The following ADAM10 variants were observed in gnomAD, a reference collection of about 807,000 sequenced individuals.
ADAM10 encodes ADAM metallopeptidase domain 10, also known as disintegrin and metalloproteinase domain-containing protein 10.
A neutral mutation model predicts 90.1 loss-of-function variants in ADAM10; 17 were observed. The ratio of observed to expected loss-of-function variants is 0.19; its 90% confidence interval spans 0.13 to 0.28. The LOEUF is 0.28. Among genes scored for constraint, ADAM10 ranks in the 10% least tolerant of loss-of-function variants. ADAM10 has a pLI of 1.00. For missense variants in ADAM10, 610 were observed against 914.3 expected, an observed-to-expected ratio of 0.67 and a Z score of 4.29; for synonymous variants, 310 against 298.6, an observed-to-expected ratio of 1.04 and a Z score of -0.40.
intron 11 of ADAM10, among the ~76,000 whole-genome samples, chr15:58,621,187 C>T (rs1246395326): frequency 2.2e-5 from 3 of 138,282 alleles, no homozygotes; most frequent in African/African-American, 5.4e-5. Flanking sequence ...CAATTGAGCC[C>T]GGGAGGTGGA....
chr15:58,689,106 G>A (rs1314523909), intron 2 of ADAM10, among the ~76,000 whole-genome samples: 1 of 152,132 alleles, frequency 6.6e-6, no homozygotes, highest in Non-Finnish European at 1.5e-5. Flanking sequence ...CACAGTCACT[G>A]CTGAAAATCA....
chr15:58,650,586 A>C (rs1264531643), intron 5 of ADAM10, among the ~76,000 whole-genome samples: 3 of 152,158 alleles, frequency 2.0e-5, no homozygotes, highest in African/African-American at 7.2e-5. Context: ...TCAGTCTCTC[A>C]GCCACCTCCT....
chr15:58,610,959 T>A, intron 13 of ADAM10, 40 bp downstream of exon 13: 10 of 1,491,584 alleles, frequency 6.7e-6, no homozygotes, highest in Non-Finnish European at 7.5e-6. Context: ...AATAATAGTT[T>A]GAGGCAAATT....
intron 6 of ADAM10, among the ~76,000 whole-genome samples, chr15:58,645,581 C>A (rs1258405103): frequency 6.6e-6 from 1 of 152,152 alleles, no homozygotes; most frequent in African/African-American, 2.4e-5. Flanking sequence ...AAAGTTCATT[C>A]ATCAAATTCT....
rs142535515 is a variant in ADAM10 at position 58,738,873 on chromosome 15, C to T, written c.55+10607G>A. Among the ~76,000 whole-genome samples, 198 of 152,170 alleles carry T rather than the reference C, an allele frequency of 1.3e-3. 1 individual carries two copies. Among genetic ancestry groups the T allele is most frequent in the African/African-American group, 4.5e-3 (188 of 41,502 alleles). On this transcript the variant is annotated intron_variant, in intron 1 of 15. Transcript: ENST00000260408. The stretch of plus-strand genomic sequence containing the variant: ...ATCTTTTATACAATTTCTAATAAGA[C>T]ACAAGTACAGACAGTAATAGAGTAT...
intron 4 of ADAM10, chr15:58,672,846 G>A (rs1897229133): frequency 6.9e-6 from 1 of 144,218 alleles, no homozygotes; most frequent in South Asian, 2.1e-4. Flanking sequence ...AGAAGAGGAA[G>A]GTGAGGAAGT....
chr15:58,605,650 G>A (rs993386004), intron 14 of ADAM10, among the ~76,000 whole-genome samples: 22 of 152,112 alleles, frequency 1.4e-4, no homozygotes, highest in African/African-American at 4.1e-4. Context: ...TTTACTGAGC[G>A]TAAACTGAGT....
intron 2 of ADAM10, among the ~76,000 whole-genome samples, chr15:58,683,847 G>C (rs1897512075): frequency 8.5e-6 from 1 of 118,090 alleles, no homozygotes; most frequent in Non-Finnish European, 1.6e-5. Context: ...GTGACAAAGT[G>C]AGGCTCCATC....
chr15:58,709,604 G>A (rs768913154), intron 2 of ADAM10, among the ~76,000 whole-genome samples: 1 of 152,072 alleles, frequency 6.6e-6, no homozygotes, highest in African/African-American at 2.4e-5. Context: ...GCCAGGTGTC[G>A]TGGTGCACAC....
At chr15:58,667,585 T>C (rs915176215) in intron 4 of ADAM10, among the ~76,000 whole-genome samples, 14 of 152,104 alleles carry the variant, frequency 9.2e-5, no homozygotes, top group African/African-American at 3.1e-4. Context: ...TCTGCATTAA[T>C]TGAATTTAAA....
rs765140741 is a variant in ADAM10, at chr15:58,592,335, A to G, written c.*5212T>C. 1.3e-5 allele frequency: 2 copies of G among 152,232 alleles called. No individual in the cohort carries two copies. Among genetic ancestry groups the G allele is most frequent in the Non-Finnish European group, 2.9e-5 (2 of 68,038 alleles). 9.4% of individuals were successfully genotyped at this position (152,232 alleles called of 1,614,324 possible). On this transcript the variant is annotated 3_prime_UTR_variant, in exon 16 of 16. Transcript: ENST00000260408. ...TGGAATTTCTTTAAAAGCGTATCCC[A>G]AAGGTAACTATAATTCTGTCCACTA...
intron 2 of ADAM10, among the ~76,000 whole-genome samples, chr15:58,714,840 T>C (rs1046892657): frequency 6.6e-6 from 1 of 152,150 alleles, no homozygotes; most frequent in Non-Finnish European, 1.5e-5. Flanking sequence ...TAATATTTGT[T>C]AGACGATAGA....
intron 2 of ADAM10, among the ~76,000 whole-genome samples, chr15:58,707,147 C>G (rs1443017753): frequency 5.9e-5 from 9 of 151,330 alleles, no homozygotes; most frequent in Admixed American, 4.6e-4. Context: ...CTCTGAGAGG[C>G]TAAGGCCAGT....
chr15:58,638,251 A>G (rs531602802), intron 8 of ADAM10, among the ~76,000 whole-genome samples: 262 of 152,130 alleles, frequency 1.7e-3, no homozygotes, highest in African/African-American at 5.9e-3. Flanking sequence ...AGAGGGGGGG[A>G]AAATGGGGAT....
chr15:58,616,899 G>C (rs929008743), intron 11 of ADAM10, among the ~76,000 whole-genome samples: 4 of 152,134 alleles, frequency 2.6e-5, no homozygotes, highest in Admixed American at 2.0e-4. Context: ...ACAAGGTCAA[G>C]AGATTGAGAC....
intron 4 of ADAM10, among the ~76,000 whole-genome samples, chr15:58,675,323 G>C (rs1375981029): frequency 6.6e-6 from 1 of 152,100 alleles, no homozygotes; most frequent in East Asian, 1.9e-4. Flanking sequence ...TTTTAATTTG[G>C]AGATTAAGTA....
At chr15:58,665,277 TTAAC>T in intron 4 of ADAM10, 80 bp from the exon 5 acceptor site, 1 of 1,058,298 alleles carries the variant, frequency 9.4e-7, no homozygotes, top group Non-Finnish European at 1.5e-6. Flanking sequence ...AAGTAAAAAT[TTAAC>T]TGTCTTAACT....
At chr15:58,698,418 A>AAAAC (rs1393478220) in intron 2 of ADAM10, 1 of 338,246 alleles carries the variant, frequency 3.0e-6, no homozygotes, top group South Asian at 2.3e-5. Context: ...AAAAAAAAAA[A>AAAAC]AAAAAAAATT....
At chr15:58,741,689 T>C (rs530005499) in intron 1 of ADAM10, among the ~76,000 whole-genome samples, 13 of 152,194 alleles carry the variant, frequency 8.5e-5, no homozygotes, top group Non-Finnish European at 1.3e-4. Flanking sequence ...CGTTAAACAT[T>C]TGCCCAGTTT....
Sources: gnomAD v4.1 joint callset for allele counts (sites outside exome capture counted in the v4.1 genomes callset) on GRCh38, gnomAD v4.1.1 for gene constraint, MANE v1.5 for transcripts, NCBI Gene and HGNC (gene_info 2026-07-23, HGNC 2026-07-21) for gene names.